Variants in MYO6 observed in about 807,000 individuals in gnomAD.
The protein encoded by MYO6 is unconventional myosin-VI.
MYO6 carries 74 observed loss-of-function variants against 178.7 expected under a neutral mutation model. The observed-to-expected ratio is 0.41, with a 90% CI of 0.34 to 0.50. The LOEUF (loss-of-function observed/expected upper bound fraction) is 0.50. Ranked by LOEUF, MYO6 falls within the 20% of genes least tolerant of loss-of-function variation. The pLI is 0.09. For missense variants in MYO6, 1,330 were observed against 1,547.4 expected (o/e 0.86, Z 2.36); for synonymous variants, 477 against 504.6 (o/e 0.95, Z 0.73).
intron 22 of MYO6, 21 bp from the exon 23 acceptor site, chr6:75,881,668 C>A (rs774401851): frequency 1.2e-6 from 2 of 1,608,214 alleles, no homozygotes; most frequent in South Asian, 1.1e-5. Context: ...AATACTGATA[C>A]TAAATTATTT....
At chr6:75,802,433 G>C (rs1769566411) in intron 1 of MYO6, among the ~76,000 whole-genome samples, 3 of 151,362 alleles carry the variant, frequency 2.0e-5, no homozygotes, top group Non-Finnish European at 4.4e-5. Context: ...TGCGCCACTG[G>C]ACTCTAGTCT....
In MYO6 at chr6:75,916,735, T is replaced by C. The variant is rs1781140912; in HGVS notation, c.*1723T>C. 1 of 152,288 alleles carries C rather than the reference T, an allele frequency of 6.6e-6. No homozygotes were observed. Among genetic ancestry groups the C allele is most frequent in the South Asian group, 2.1e-4 (1 of 4,836 alleles). 9.4% of individuals were successfully genotyped at this position (152,288 alleles called of 1,614,324 possible). A position where few individuals can be genotyped will look rare whatever the true frequency, so the allele number is the denominator to read the frequency against. On this transcript the variant is annotated 3_prime_UTR_variant, in exon 35 of 35. Transcript: ENST00000369977. ...GTAGCCAAATTGTTTTTTAATGACATGTCTCTTTAGTACAATAGTTTTGTG... is the reference window on the plus strand; with the variant it reads ...GTAGCCAAATTGTTTTTTAATGACACGTCTCTTTAGTACAATAGTTTTGTG...
At chr6:75,775,206 A>G (rs1282321373) in intron 1 of MYO6, among the ~76,000 whole-genome samples, 1 of 152,194 alleles carries the variant, frequency 6.6e-6, no homozygotes, top group African/African-American at 2.4e-5. Context: ...AGTTCTCTCC[A>G]TTAAGTATAA....
intron 18 of MYO6, among the ~76,000 whole-genome samples, chr6:75,868,822 T>G (rs1776907224): frequency 6.6e-6 from 1 of 152,126 alleles, no homozygotes; most frequent in Admixed American, 6.5e-5. Context: ...CTTTTTCAGG[T>G]TATTGAAACA....
intron 10 of MYO6, 38 bp from the exon 11 acceptor site, chr6:75,848,313 T>G (rs1164309412): frequency 1.9e-6 from 3 of 1,576,334 alleles, no homozygotes; most frequent in Non-Finnish European, 2.6e-6. Context: ...ACTTAAATAA[T>G]GTAACGATCA....
chr6:75,883,249 A>C (rs1027969015), intron 23 of MYO6, among the ~76,000 whole-genome samples: 3 of 151,960 alleles, frequency 2.0e-5, no homozygotes, highest in South Asian at 2.1e-4. Flanking sequence ...GAAAAAAAAA[A>C]CACCCAAAAC....
intron 28 of MYO6, chr6:75,894,747 G>A (rs1338014747): frequency 1.9e-6 from 2 of 1,064,242 alleles, no homozygotes; most frequent in Non-Finnish European, 2.7e-6. Flanking sequence ...GTTCTATGCT[G>A]TGTTAAAAAA....
At chr6:75,909,369 C>A (rs1010671956) in intron 32 of MYO6, among the ~76,000 whole-genome samples, 2 of 152,158 alleles carry the variant, frequency 1.3e-5, no homozygotes, top group African/African-American at 4.8e-5. Context: ...CACTCTAATT[C>A]CTTTGTTTCA....
intron 1 of MYO6, among the ~76,000 whole-genome samples, chr6:75,800,951 G>C (rs899687189): frequency 2.0e-5 from 3 of 152,120 alleles, no homozygotes; most frequent in Non-Finnish European, 4.4e-5. Context: ...GAACTCCTGA[G>C]CTCAAGTTAT....
chr6:75,767,679 C>T lies in MYO6; in HGVS notation c.-48+18256C>T, dbSNP rs543412476. Among the ~76,000 whole-genome samples the T allele has an allele frequency of 1.3e-4, 19 of 151,862 alleles. 1 individual carries two copies. The highest frequency in any genetic ancestry group is 6.6e-4 in the Admixed American group (10 of 15,224). ...GACTACAGGTGCGCACCACCACACC[C>T]GGCTAATTTTTGTATTTTTGTAGTC... On this transcript the variant is annotated intron_variant, in intron 1 of 34. Coordinates refer to ENST00000369977, the MANE Select transcript of MYO6 (RefSeq NM_004999.4).
intron 1 of MYO6, among the ~76,000 whole-genome samples, chr6:75,809,675 T>C (rs1770475215): frequency 6.6e-6 from 1 of 151,952 alleles, no homozygotes; most frequent in African/African-American, 2.4e-5. Context: ...TTATGGGTCA[T>C]AGGTGGATTC....
chr6:75,760,952 T>C (rs1777890743), intron 1 of MYO6, among the ~76,000 whole-genome samples: 1 of 151,648 alleles, frequency 6.6e-6, no homozygotes, highest in Non-Finnish European at 1.5e-5. Context: ...TTCCTTGTTA[T>C]TTTTTTTCTA....
At position 75,907,734 on chromosome 6, in the gene MYO6, T is replaced by C. The variant is rs770043616; in HGVS notation, c.3280+26T>C. 120 of 1,562,048 alleles carry C rather than the reference T, an allele frequency of 7.7e-5. 2 individuals carry two copies. In the South Asian group the frequency reaches 1.3e-3, roughly 17 times the overall value. ...GTAAGTGTTTGGAGAAGATCAAAAA[T>C]AGAAAATGTTCATAGTGATAGGTGA... On this transcript the variant is annotated intron_variant, in intron 31 of 34. Coordinates refer to ENST00000369977, the MANE Select transcript of MYO6 (RefSeq NM_004999.4).
At chr6:75,874,176 G>A (rs1327305880) in intron 20 of MYO6, among the ~76,000 whole-genome samples, 4 of 152,146 alleles carry the variant, frequency 2.6e-5, no homozygotes, top group East Asian at 1.9e-4. Context: ...TTTCTGCTTC[G>A]CTAAAGGCCT....
chr6:75,836,356 C>T (rs549662484), intron 7 of MYO6, among the ~76,000 whole-genome samples: 6 of 152,182 alleles, frequency 3.9e-5, no homozygotes, highest in South Asian at 2.1e-4. Context: ...TAACGAAGGC[C>T]GTAGTGTGTA....
chr6:75,822,966 C>A, intron 3 of MYO6, 115 bp downstream of exon 3: 1 of 806,118 alleles, frequency 1.2e-6, no homozygotes, highest in Non-Finnish European at 2.1e-6. Flanking sequence ...ACAATCTAGT[C>A]TTTTGACATG....
chr6:75,757,436 C>T (rs1043515671), intron 1 of MYO6, among the ~76,000 whole-genome samples: 4 of 150,474 alleles, frequency 2.7e-5, no homozygotes, highest in African/African-American at 9.8e-5. Flanking sequence ...TGATGTTCTG[C>T]TAGGATGTGT....
intron 7 of MYO6, among the ~76,000 whole-genome samples, chr6:75,838,054 C>CT (rs35550064): frequency 0.017 from 2,261 of 136,190 alleles, 53 homozygotes; most frequent in African/African-American, 0.054. Context: ...TCTATAGCTT[C>CT]TTTTTTTTTT....
chr6:75,828,753 G>A, intron 4 of MYO6, 140 bp downstream of exon 4: 1 of 647,978 alleles, frequency 1.5e-6, no homozygotes, highest in East Asian at 2.7e-5. Flanking sequence ...AGGTTAGTGA[G>A]GACAAAGATT....
Sources: gnomAD v4.1 joint callset for allele counts (sites outside exome capture counted in the v4.1 genomes callset) on GRCh38, gnomAD v4.1.1 for gene constraint, MANE v1.5 for transcripts, NCBI Gene and HGNC (gene_info 2026-07-23, HGNC 2026-07-21) for gene names.